Variants in COBL observed in about 807,000 individuals in gnomAD.
COBL encodes the protein protein cordon-bleu.
Under a neutral mutation model 98.8 loss-of-function variants are expected in COBL, and 51 were observed. The observed-to-expected ratio is 0.52, with a 90% CI of 0.41 to 0.65. COBL has a LOEUF of 0.65. Among genes scored for constraint, COBL ranks in the 30% least tolerant of loss-of-function variants. COBL has a pLI of 0.00. For missense variants in COBL, 1,617 were observed against 1,617.5 expected, an observed-to-expected ratio of 1.00 and a Z score of 0.01; for synonymous variants, 634 against 651.7, an observed-to-expected ratio of 0.97 and a Z score of 0.41.
chr7:51,022,076 G>A (rs150132109), intron 12 of COBL, among the ~76,000 whole-genome samples: 9 of 152,194 alleles, frequency 5.9e-5, no homozygotes, highest in African/African-American at 1.2e-4. Context: ...GTGATAAAGC[G>A]TCAAGTGTAG....
chr7:51,212,750 C>T (rs763899969), intron 2 of COBL, among the ~76,000 whole-genome samples: 4 of 152,194 alleles, frequency 2.6e-5, no homozygotes, highest in Non-Finnish European at 5.9e-5. Flanking sequence ...GGATTGCAAA[C>T]TTTAACACGC....
At chr7:51,076,773 T>C (rs1793117481) in intron 7 of COBL, among the ~76,000 whole-genome samples, 1 of 152,322 alleles carries the variant, frequency 6.6e-6, no homozygotes, top group South Asian at 2.1e-4. Context: ...TGATCTTTTG[T>C]CAATTACCCT....
At chr7:51,171,497 T>C (rs1299189497) in intron 5 of COBL, among the ~76,000 whole-genome samples, 1 of 152,194 alleles carries the variant, frequency 6.6e-6, no homozygotes, top group Admixed American at 6.5e-5. Flanking sequence ...TAATTAATGT[T>C]GAACCTTTTC....
chr7:51,192,635 T>C (rs1474862312), intron 3 of COBL, among the ~76,000 whole-genome samples: 2 of 152,132 alleles, frequency 1.3e-5, no homozygotes, highest in East Asian at 3.9e-4. Flanking sequence ...ACAATAAAAG[T>C]ATATAATAAG....
At chr7:51,163,422 C>G (rs1787009121) in intron 5 of COBL, among the ~76,000 whole-genome samples, 1 of 152,216 alleles carries the variant, frequency 6.6e-6, no homozygotes. Context: ...CAACTAAGCA[C>G]AGTGCCTAGA....
At chr7:51,047,380 T>C (rs940683723) in intron 7 of COBL, among the ~76,000 whole-genome samples, 2 of 152,194 alleles carry the variant, frequency 1.3e-5, no homozygotes, top group African/African-American at 2.4e-5. Flanking sequence ...TGGTAAATTC[T>C]TCAGCTCAAG....
intron 2 of COBL, among the ~76,000 whole-genome samples, chr7:51,216,545 T>G (rs1466977278): frequency 4.6e-5 from 7 of 152,204 alleles, no homozygotes; most frequent in African/African-American, 1.7e-4. Context: ...TGTGGGGTGC[T>G]GGTAATACCA....
At chr7:51,025,058 C>T (rs945498494) in intron 12 of COBL, 51 bp downstream of exon 12, 1 of 1,609,902 alleles carries the variant, frequency 6.2e-7, no homozygotes, top group Non-Finnish European at 8.5e-7. Flanking sequence ...ATCTACGCTG[C>T]ACCTCCAACC....
In COBL at chr7:51,116,644, G is replaced by A. The variant is rs569940172; in HGVS notation, c.957+19514C>T. ...AGTTTTTTTATGTTTATCTAGCTAT[G>A]TACCATTTCTGACACTCTTTATGTC... is the stretch of plus-strand genomic sequence containing the variant. On this transcript the variant is annotated intron_variant, in intron 6 of 12. Coordinates refer to ENST00000265136, the MANE Select transcript of COBL (RefSeq NM_015198.5). Among the ~76,000 whole-genome samples, 14 of 152,104 alleles carry A rather than the reference G, an allele frequency of 9.2e-5. 1 individual carries two copies. In the South Asian group the frequency reaches 2.9e-3, roughly 32 times the overall value.
chr7:51,156,918 A>G (rs1008224713), intron 5 of COBL, among the ~76,000 whole-genome samples: 2 of 152,194 alleles, frequency 1.3e-5, no homozygotes, highest in Non-Finnish European at 2.9e-5. Context: ...ACACAGCTGC[A>G]TCCGCAGCTT....
intron 6 of COBL, among the ~76,000 whole-genome samples, chr7:51,134,568 G>A (rs950745198): frequency 6.6e-5 from 10 of 152,034 alleles, no homozygotes; most frequent in Non-Finnish European, 1.3e-4. Flanking sequence ...ACATTTTATC[G>A]CATTAACAAA....
chr7:51,095,336 C>T (rs1054206448), intron 6 of COBL, among the ~76,000 whole-genome samples: 7 of 152,240 alleles, frequency 4.6e-5, no homozygotes, highest in East Asian at 1.9e-4. Flanking sequence ...GTCCCTCTCA[C>T]GACACGTGAG....
rs774054020 is a variant in COBL at position 51,191,059 on chromosome 7, A to G, written c.476T>C (p.Val159Ala). 6.2e-7 allele frequency: 1 copy of G among 1,614,078 alleles called. No homozygotes were observed. The highest frequency in any genetic ancestry group is 1.1e-5 in the South Asian group (1 of 91,038). Residue 159 changes from valine (V) to alanine (A), a missense_variant, in exon 4 of 13, where the codon GTG becomes GCG. Physicochemically the swap from Val to Ala is moderately conservative, Grantham distance 64. Coordinates refer to ENST00000265136, the MANE Select transcript of COBL (RefSeq NM_015198.5). ...AGCTTTTTGTGTCCGCAGGTAATTCACGACCAAACGCACAGATTTCTGGAA... is the reference window on the plus strand; with the variant it reads ...AGCTTTTTGTGTCCGCAGGTAATTCGCGACCAAACGCACAGATTTCTGGAA... Reference protein sequence around the residue: ...KVPEKSVRLVVNYLRTQKAVV... With the variant: ...KVPEKSVRLVANYLRTQKAVV...
intron 7 of COBL, among the ~76,000 whole-genome samples, chr7:51,048,600 A>G (rs894689987): frequency 5.9e-5 from 9 of 151,648 alleles, no homozygotes; most frequent in Admixed American, 2.6e-4. Context: ...ACCTAACAGA[A>G]TCTTATCCTA....
At chr7:51,085,020 C>A in intron 7 of COBL, 146 bp downstream of exon 7, 1 of 1,201,690 alleles carries the variant, frequency 8.3e-7, no homozygotes, top group Non-Finnish European at 1.2e-6. Context: ...GCAATTATTT[C>A]TTTCCAGCCC....
At chr7:51,180,216 TTTG>T (rs1788801308) in intron 5 of COBL, among the ~76,000 whole-genome samples, 10 of 152,186 alleles carry the variant, frequency 6.6e-5, no homozygotes, top group Admixed American at 5.9e-4. Context: ...ACCAGACTGG[TTTG>T]AAGGGCTGAA....
In COBL at chr7:51,108,339, G is replaced by A. The variant is rs1796503396; in HGVS notation, c.958-23035C>T. Among the ~76,000 whole-genome samples the A allele has an allele frequency of 4.6e-5, 7 of 152,276 alleles. No individual in the cohort carries two copies. The South Asian group carries it at 1.5e-3, about 32-fold the overall frequency. On this transcript the variant is annotated intron_variant, in intron 6 of 12. Coordinates refer to ENST00000265136, the MANE Select transcript of COBL (RefSeq NM_015198.5). The stretch of plus-strand genomic sequence containing the variant: ...CTGTGTGGCTCGTTGCTGTGCAGTG[G>A]CACTCGGTGTGAATACACCACGCTT...
intron 4 of COBL, among the ~76,000 whole-genome samples, chr7:51,187,075 A>G (rs980702178): frequency 3.3e-5 from 5 of 152,132 alleles, no homozygotes; most frequent in Admixed American, 1.3e-4. Context: ...AGAAAGTTTT[A>G]CTTTCTGAAG....
At chr7:51,051,293 A>G (rs1040131728) in intron 7 of COBL, among the ~76,000 whole-genome samples, 4 of 152,352 alleles carry the variant, frequency 2.6e-5, no homozygotes, top group East Asian at 3.9e-4. Context: ...TCTAGAAGCT[A>G]GTAAAATTTT....
Sources: gnomAD v4.1 joint callset for allele counts (sites outside exome capture counted in the v4.1 genomes callset) on GRCh38, gnomAD v4.1.1 for gene constraint, MANE v1.5 for transcripts, NCBI Gene and HGNC (gene_info 2026-07-23, HGNC 2026-07-21) for gene names.